The following CLDN14 variants were observed in gnomAD, a reference collection of about 807,000 sequenced individuals.
The protein encoded by CLDN14 is claudin 14, also known as claudin-14.
CLDN14 carries 2 observed loss-of-function variants against 2.1 expected under a neutral mutation model. The ratio of observed to expected loss-of-function variants is 0.96; its 90% CI spans 0.39 to 3.01. The LOEUF is 3.01. Among genes scored for constraint, CLDN14 ranks in the 30% most tolerant of loss-of-function variants. The pLI is 0.09. For synonymous variants in CLDN14, 136 were observed against 154.4 expected (o/e 0.88, Z 0.88); for missense variants, 298 against 328.0 (o/e 0.91, Z 0.71).
At chr21:36,517,689 A>G (rs2146490416) in intron 1 of CLDN14, among the ~76,000 whole-genome samples, 1 of 152,354 alleles carries the variant, frequency 6.6e-6, no homozygotes, top group South Asian at 2.1e-4. Flanking sequence ...TACCCTGAGA[A>G]ACAGGGATCC....
chr21:36,489,865 C>T (rs1463003858), intron 2 of CLDN14, among the ~76,000 whole-genome samples: 2 of 152,216 alleles, frequency 1.3e-5, no homozygotes, highest in South Asian at 2.1e-4. Context: ...TTCTTTCCTC[C>T]CCCAGTAGCC....
intron 1 of CLDN14, among the ~76,000 whole-genome samples, chr21:36,548,552 G>A (rs2087540248): frequency 6.6e-6 from 1 of 152,194 alleles, no homozygotes; most frequent in Admixed American, 6.5e-5. Context: ...AATGGGGTCT[G>A]GGCAGCCTGG....
chr21:36,462,758 C>T (rs1388196532), intron 1 of CLDN14, among the ~76,000 whole-genome samples: 12 of 151,640 alleles, frequency 7.9e-5, no homozygotes, highest in Admixed American at 2.0e-4. Context: ...GGTGAAACCC[C>T]GTCTCTACTA....
At chr21:36,485,287 C>T (rs568117809) in intron 2 of CLDN14, among the ~76,000 whole-genome samples, 1 of 145,006 alleles carries the variant, frequency 6.9e-6, no homozygotes, top group African/African-American at 2.4e-5. Context: ...TGGCTCACTG[C>T]ACTCTTTGCC....
chr21:36,487,282 C>A, intron 2 of CLDN14: 1 of 219,878 alleles, frequency 4.5e-6, no homozygotes, highest in Non-Finnish European at 9.2e-6. Context: ...TGCGCCCGGC[C>A]TGTTGTGGGT....
rs150037580 is a variant in CLDN14 at position 36,493,662 on chromosome 21, G to A, written c.-82+16701C>T. Reference sequence around the variant, plus strand: ...GCCTAGCGGCCGCACACTTGTCATAGTCTCTCTCACAGCTAACATTGTGGA... The same window carrying A: ...GCCTAGCGGCCGCACACTTGTCATAATCTCTCTCACAGCTAACATTGTGGA... On this transcript the variant is annotated intron_variant, in intron 2 of 2. Coordinates refer to the CLDN14 transcript ENST00000342108. Among the ~76,000 whole-genome samples the A allele has an allele frequency of 2.3e-3, 344 of 152,220 alleles. 1 individual carries two copies. The highest frequency in any genetic ancestry group is 7.4e-3 in the African/African-American group (306 of 41,530).
At chr21:36,569,681 T>C (rs975966476) in intron 1 of CLDN14, among the ~76,000 whole-genome samples, 2 of 152,216 alleles carry the variant, frequency 1.3e-5, no homozygotes, top group Non-Finnish European at 2.9e-5. Context: ...ACCAAGGTCC[T>C]GTCTCACAAA....
chr21:36,533,194 C>T (rs1025927264), intron 1 of CLDN14, among the ~76,000 whole-genome samples: 2 of 152,184 alleles, frequency 1.3e-5, no homozygotes, highest in Non-Finnish European at 2.9e-5. Flanking sequence ...CTGTGCCTTC[C>T]CTCCGCAAGT....
At chr21:36,533,574 A>G (rs2087399081) in intron 1 of CLDN14, among the ~76,000 whole-genome samples, 1 of 152,192 alleles carries the variant, frequency 6.6e-6, no homozygotes, top group Admixed American at 6.5e-5. Flanking sequence ...ATGAGACCAC[A>G]TTAGAGAAAA....
At chr21:36,555,642 G>A (rs988535670) in intron 1 of CLDN14, among the ~76,000 whole-genome samples, 1 of 152,136 alleles carries the variant, frequency 6.6e-6, no homozygotes, top group African/African-American at 2.4e-5. Context: ...GGCTCCAGAC[G>A]TTTTCTCGTT....
intron 1 of CLDN14, among the ~76,000 whole-genome samples, chr21:36,470,211 T>C (rs1244313351): frequency 6.6e-6 from 1 of 152,162 alleles, no homozygotes; most frequent in Non-Finnish European, 1.5e-5. Flanking sequence ...TGTTGAAGTC[T>C]TCCCTGCTCC....
chr21:36,504,444 T>A (rs1460647648), intron 2 of CLDN14, among the ~76,000 whole-genome samples: 1 of 152,190 alleles, frequency 6.6e-6, no homozygotes, highest in African/African-American at 2.4e-5. Context: ...ACCTGCTACT[T>A]CAGGTTCCGA....
intron 1 of CLDN14, among the ~76,000 whole-genome samples, chr21:36,566,523 A>G (rs2087674075): frequency 6.6e-6 from 1 of 151,918 alleles, no homozygotes; most frequent in Non-Finnish European, 1.5e-5. Context: ...CCATGCAATG[A>G]CTCTGTCCTC....
At chr21:36,488,220 C>CGCTTCCTTCCTTCCTTCCTT (rs2086917506) in intron 2 of CLDN14, among the ~76,000 whole-genome samples, 1 of 97,238 alleles carries the variant, frequency 1.0e-5, no homozygotes, top group East Asian at 2.8e-4. Flanking sequence ...ACTGTGATTC[C>CGCTTCCTTCCTTCCTTCCTT]CCTTCCTTCC....
rs368623238 is a variant in CLDN14, at chr21:36,510,603, T to G, written c.-219-103A>C. On this transcript the variant is annotated intron_variant, in intron 1 of 2. Transcript: ENST00000342108. The stretch of plus-strand genomic sequence containing the variant: ...CAGGCCTCGTGGCCCTGCCTGTGCC[T>G]GTTTCTCTTGGAGGGACAGGTTGGA... 12 of 152,412 alleles carry G rather than the reference T, an allele frequency of 7.9e-5. No homozygotes were observed. In the East Asian group the frequency reaches 2.1e-3, roughly 27 times the overall value. The allele number at this position is 152,412 out of a possible 1,614,324, so 9.4% of individuals were successfully genotyped here.
chr21:36,482,447 TGG>T (rs2086858492), upstream of CLDN14, among the ~76,000 whole-genome samples: 1 of 149,610 alleles, frequency 6.7e-6, no homozygotes, highest in Non-Finnish European at 1.5e-5. Flanking sequence ...GATGGATGGA[TGG>T]ATAGATGGAT....
intron 1 of CLDN14, among the ~76,000 whole-genome samples, chr21:36,527,289 T>C (rs1429109246): frequency 6.6e-6 from 1 of 152,206 alleles, no homozygotes; most frequent in African/African-American, 2.4e-5. Context: ...TTGATTGGTT[T>C]ATTTGATTTT....
intron 1 of CLDN14, among the ~76,000 whole-genome samples, chr21:36,549,881 T>C (rs774167566): frequency 3.9e-5 from 6 of 152,214 alleles, no homozygotes; most frequent in Non-Finnish European, 7.3e-5. Context: ...CTGTCATGCC[T>C]GATTTTTCCC....
In CLDN14 at chr21:36,518,534, G is replaced by A. The variant is rs1423543611; in HGVS notation, c.-219-8034C>T. Among the ~76,000 whole-genome samples the A allele has an allele frequency of 1.6e-4, 24 of 152,280 alleles. No individual in the cohort carries two copies. In the South Asian group the frequency reaches 2.9e-3, roughly 18 times the overall value. ...GAGTCCCTTGAATCTGGGAGGCGGC[G>A]GTTGTAGTGAGCCAAGATCATGCCA... On this transcript the variant is annotated intron_variant, in intron 1 of 2. Coordinates refer to the CLDN14 transcript ENST00000342108.
Sources: allele counts gnomAD v4.1 joint callset (sites outside exome capture counted in the v4.1 genomes callset), GRCh38; gene constraint gnomAD v4.1.1; transcripts MANE v1.5; gene names NCBI Gene and HGNC (gene_info 2026-07-23, HGNC 2026-07-21).